CDH18: variants seen among roughly 807,000 people sequenced by gnomAD.
CDH18 encodes the protein cadherin 18, also known as cadherin-18.
In CDH18, 31 loss-of-function variants were observed where a neutral mutation model predicts 67.9. That is an observed-to-expected ratio of 0.46 (90% CI 0.34 to 0.62). The LOEUF (loss-of-function observed/expected upper bound fraction) is 0.62, where lower values mean the gene tolerates loss of function less well. Ranked by LOEUF, CDH18 falls within the 20% of genes least tolerant of loss-of-function variation. The pLI, the probability that CDH18 is intolerant of heterozygous loss-of-function variation, is 0.01. For synonymous variants in CDH18, 362 were observed against 347.2 expected (o/e 1.04, Z -0.48); for missense variants, 890 against 975.5 (o/e 0.91, Z 1.17).
At chr5:19,794,245 G>C (rs571094057) in intron 3 of CDH18, among the ~76,000 whole-genome samples, 2 of 152,130 alleles carry the variant, frequency 1.3e-5, no homozygotes, top group Non-Finnish European at 2.9e-5. Context: ...GTGTCTGTGA[G>C]AGTATTTCCA....
At chr5:19,743,602 A>C (rs2150714109) in intron 4 of CDH18, among the ~76,000 whole-genome samples, 1 of 152,290 alleles carries the variant, frequency 6.6e-6, no homozygotes, top group African/African-American at 2.4e-5. Context: ...ATCTTTGCCT[A>C]TAATATCATC....
At chr5:19,961,337 G>C (rs1384132089) in intron 2 of CDH18, among the ~76,000 whole-genome samples, 2 of 151,820 alleles carry the variant, frequency 1.3e-5, no homozygotes, top group Non-Finnish European at 2.9e-5. Flanking sequence ...TCAAACTCCT[G>C]ACCTCGTGAT....
intron 9 of CDH18, among the ~76,000 whole-genome samples, chr5:19,534,481 G>A (rs1749117617): frequency 1.3e-5 from 2 of 151,990 alleles, no homozygotes; most frequent in Admixed American, 1.3e-4. Flanking sequence ...AAAAGGTGAC[G>A]TTAAAAAATT....
intron 5 of CDH18, among the ~76,000 whole-genome samples, chr5:19,654,266 C>A (rs1756009845): frequency 6.6e-6 from 1 of 152,114 alleles, no homozygotes; most frequent in African/African-American, 2.4e-5. Context: ...GGTGATAGCA[C>A]TTCTATAATA....
At chr5:20,492,575 T>C (rs1352870467) in intron 1 of CDH18, among the ~76,000 whole-genome samples, 1 of 152,178 alleles carries the variant, frequency 6.6e-6, no homozygotes, top group African/African-American at 2.4e-5. Context: ...TAGATTTATG[T>C]GGAAGTAACT....
chr5:19,990,787 A>C (rs1440712154), upstream of CDH18, among the ~76,000 whole-genome samples: 1 of 147,182 alleles, frequency 6.8e-6, no homozygotes, highest in East Asian at 1.9e-4. Flanking sequence ...AAAGAAAAGA[A>C]GAAGAAGAAG....
intron 2 of CDH18, among the ~76,000 whole-genome samples, chr5:20,195,857 C>T (rs1456244372): frequency 6.6e-6 from 1 of 152,054 alleles, no homozygotes; most frequent in Non-Finnish European, 1.5e-5. Context: ...GACACTTTTA[C>T]TTAATCACTT....
chr5:20,503,220 A>G (rs187687345), intron 1 of CDH18, among the ~76,000 whole-genome samples: 1 of 146,228 alleles, frequency 6.8e-6, no homozygotes, highest in Admixed American at 7.0e-5. Flanking sequence ...CTAAACATGT[A>G]ATAACTTAGC....
intron 2 of CDH18, among the ~76,000 whole-genome samples, chr5:20,230,175 T>C (rs1450612920): frequency 6.6e-5 from 10 of 152,170 alleles, no homozygotes; most frequent in Admixed American, 5.9e-4. Context: ...TCTCTGCTAA[T>C]AATTGCATGT....
chr5:20,095,837 G>T (rs2150569167), intron 2 of CDH18, among the ~76,000 whole-genome samples: 1 of 150,982 alleles, frequency 6.6e-6, no homozygotes, highest in East Asian at 1.9e-4. Flanking sequence ...TCTATACAAA[G>T]AATAATGTAG....
intron 11 of CDH18, among the ~76,000 whole-genome samples, chr5:19,500,401 G>C (rs1030822565): frequency 3.9e-5 from 6 of 152,120 alleles, no homozygotes; most frequent in Non-Finnish European, 5.9e-5. Context: ...TACTAAGCCA[G>C]TGATTGTAAT....
intron 1 of CDH18, among the ~76,000 whole-genome samples, chr5:20,501,391 A>T (rs1754238398): frequency 6.8e-6 from 1 of 146,384 alleles, no homozygotes; most frequent in Non-Finnish European, 1.5e-5. Flanking sequence ...ACTGTTACCA[A>T]ATCCTAAAAT....
At chr5:19,667,003 G>A (rs1403220892) in intron 5 of CDH18, among the ~76,000 whole-genome samples, 2 of 151,902 alleles carry the variant, frequency 1.3e-5, no homozygotes, top group Admixed American at 6.6e-5. Flanking sequence ...GCACTTAAAC[G>A]TATTTGGTGT....
At chr5:20,049,276 C>T (rs1741193386) in intron 2 of CDH18, among the ~76,000 whole-genome samples, 1 of 151,198 alleles carries the variant, frequency 6.6e-6, no homozygotes, top group Admixed American at 6.6e-5. Flanking sequence ...TCTCTAAGAA[C>T]AGTAAAAAAC....
chr5:20,109,270 G>A (rs774713235), intron 2 of CDH18, among the ~76,000 whole-genome samples: 1 of 152,172 alleles, frequency 6.6e-6, no homozygotes, highest in Admixed American at 6.5e-5. Context: ...ATCCTTTTAC[G>A]AAAGAGGGTT....
chr5:20,370,165 T>C (rs948316586), intron 1 of CDH18, among the ~76,000 whole-genome samples: 2 of 152,170 alleles, frequency 1.3e-5, no homozygotes, highest in African/African-American at 2.4e-5. Context: ...ACCATCATCA[T>C]TACTATAGTC....
chr5:19,641,142 C>CAAAAAAAAAA (rs3062887), intron 5 of CDH18, among the ~76,000 whole-genome samples: 1 of 112,384 alleles, frequency 8.9e-6, no homozygotes. Context: ...CTAAATTTTT[C>CAAAAAAAAAA]AAAAAAAAAA....
chr5:19,780,352 T>C (rs926143681), intron 3 of CDH18, among the ~76,000 whole-genome samples: 1 of 152,150 alleles, frequency 6.6e-6, no homozygotes, highest in Non-Finnish European at 1.5e-5. Context: ...CCAGTATCTT[T>C]CCTGACACCA....
chr5:20,488,673 T>TTTTATATA lies in CDH18; in HGVS notation c.-580+86788_-580+86789insTATATAAA, dbSNP rs1435006497. On this transcript the variant is annotated intron_variant, in intron 1 of 14. Transcript: ENST00000507958. ...TCTTTTTGGTTGGAGGGGTAGTGTT[T>TTTTATATA]TATATATATATATATATATATATAT... Among the ~76,000 whole-genome samples the TTTTATATA allele has an allele frequency of 4.7e-5, 6 of 126,976 alleles. No homozygotes were observed. The South Asian group carries it at 7.9e-4, about 17-fold the overall frequency. The allele number at this position is 126,976 out of a possible 152,430, so 83.3% of individuals were successfully genotyped here.
Sources: allele counts gnomAD v4.1 joint callset (sites outside exome capture counted in the v4.1 genomes callset), GRCh38; gene constraint gnomAD v4.1.1; transcripts MANE v1.5; gene names NCBI Gene and HGNC (gene_info 2026-07-23, HGNC 2026-07-21).